The following ADCY2 variants were observed in gnomAD, a reference collection of about 807,000 sequenced individuals.
ADCY2 encodes adenylate cyclase type 2.
A neutral mutation model predicts 125.2 loss-of-function variants in ADCY2; 31 were observed. The observed-to-expected ratio is 0.25, with a 90% CI of 0.19 to 0.33. ADCY2 has a LOEUF of 0.33. Ranked by LOEUF, ADCY2 falls within the 10% of genes least tolerant of loss-of-function variation. ADCY2 has a pLI of 1.00. For missense variants in ADCY2, 904 were observed against 1,418.2 expected (o/e 0.64, Z 5.82); for synonymous variants, 512 against 548.4 (o/e 0.93, Z 0.93).
intron 2 of ADCY2, among the ~76,000 whole-genome samples, chr5:7,493,417 G>A (rs898920392): frequency 6.6e-6 from 1 of 151,584 alleles, no homozygotes; most frequent in African/African-American, 2.4e-5. Flanking sequence ...AGGAGAGGGG[G>A]TATCGGGTGC....
At chr5:7,488,083 C>T (rs1743010089) in intron 2 of ADCY2, among the ~76,000 whole-genome samples, 2 of 152,110 alleles carry the variant, frequency 1.3e-5, no homozygotes, top group African/African-American at 4.8e-5. Context: ...GTGTCCCCAC[C>T]CAAATCTCAC....
chr5:7,749,674 T>A (rs1742740788), intron 15 of ADCY2: 1 of 152,158 alleles, frequency 6.6e-6, no homozygotes, highest in Admixed American at 6.6e-5. Context: ...TTAGAACGCA[T>A]ATGCTGGATA....
intron 3 of ADCY2, among the ~76,000 whole-genome samples, chr5:7,587,529 G>A (rs1736672511): frequency 1.3e-5 from 2 of 152,184 alleles, no homozygotes; most frequent in Admixed American, 6.5e-5. Flanking sequence ...CTCCCCCAGA[G>A]TTCCACAGTT....
chr5:7,523,912 C>A (rs762981132), intron 3 of ADCY2, among the ~76,000 whole-genome samples: 1 of 152,140 alleles, frequency 6.6e-6, no homozygotes. Context: ...CATTTTGTTT[C>A]GCACAGATCC....
At chr5:7,593,624 G>C (rs993516137) in intron 3 of ADCY2, among the ~76,000 whole-genome samples, 1 of 152,152 alleles carries the variant, frequency 6.6e-6, no homozygotes, top group Non-Finnish European at 1.5e-5. Flanking sequence ...GACTGTCCTT[G>C]TTATGGAATA....
intron 4 of ADCY2, among the ~76,000 whole-genome samples, chr5:7,648,349 G>A (rs1738971484): frequency 6.6e-6 from 1 of 152,292 alleles, no homozygotes; most frequent in Non-Finnish European, 1.5e-5. Context: ...ACTCTTCAGA[G>A]CAAAGCATAA....
At chr5:7,653,623 G>GAAGAA (rs1393039356) in intron 4 of ADCY2, among the ~76,000 whole-genome samples, 1 of 151,434 alleles carries the variant, frequency 6.6e-6, no homozygotes, top group Non-Finnish European at 1.5e-5. Context: ...AAAAAAACGT[G>GAAGAA]AAGAATTTGT....
At chr5:7,661,465 T>C (rs1259789343) in intron 4 of ADCY2, among the ~76,000 whole-genome samples, 1 of 152,214 alleles carries the variant, frequency 6.6e-6, no homozygotes, top group East Asian at 1.9e-4. Flanking sequence ...TAAATAATTA[T>C]ATTAAATGCA....
At chr5:7,644,065 A>G (rs1738804919) in intron 4 of ADCY2, among the ~76,000 whole-genome samples, 1 of 152,150 alleles carries the variant, frequency 6.6e-6, no homozygotes, top group African/African-American at 2.4e-5. Flanking sequence ...TAAATAAACT[A>G]AAAAAGTTAT....
At chr5:7,736,951 A>G (rs1742267381) in intron 14 of ADCY2, among the ~76,000 whole-genome samples, 1 of 152,196 alleles carries the variant, frequency 6.6e-6, no homozygotes, top group Admixed American at 6.5e-5. Flanking sequence ...GCATAACCCA[A>G]GGAATATATA....
At chr5:7,567,192 AT>A (rs151159465) in intron 3 of ADCY2, among the ~76,000 whole-genome samples, 1 of 152,078 alleles carries the variant, frequency 6.6e-6, no homozygotes, top group African/African-American at 2.4e-5. Flanking sequence ...GCAGGCTTTG[AT>A]TTTTTAAAGG....
intron 1 of ADCY2, among the ~76,000 whole-genome samples, chr5:7,400,424 C>T (rs532715037): frequency 6.6e-5 from 10 of 152,082 alleles, no homozygotes; most frequent in South Asian, 6.2e-4. Flanking sequence ...GATATTTTTT[C>T]GAAGGGCAGA....
At chr5:7,588,485 C>CT (rs1462360869) in intron 3 of ADCY2, among the ~76,000 whole-genome samples, 1 of 151,992 alleles carries the variant, frequency 6.6e-6, no homozygotes, top group Non-Finnish European at 1.5e-5. Flanking sequence ...AAAAATGCAC[C>CT]GTCAATTATG....
chr5:7,658,813 CT>C, intron 4 of ADCY2, among the ~76,000 whole-genome samples: 1 of 152,202 alleles, frequency 6.6e-6, no homozygotes, highest in South Asian at 2.1e-4. Flanking sequence ...AGAGCAGATG[CT>C]GCAGTTCAAG....
chr5:7,558,552 A>C (rs952536317), intron 3 of ADCY2, among the ~76,000 whole-genome samples: 2 of 151,854 alleles, frequency 1.3e-5, no homozygotes. Context: ...TTTCTTGTAC[A>C]TTTGTTTAAG....
At chr5:7,589,458 A>AAAAGAAAGAAAGAAAGAAAGAAAG (rs369587426) in intron 3 of ADCY2, among the ~76,000 whole-genome samples, 193 of 72,982 alleles carry the variant, frequency 2.6e-3, no homozygotes, top group Middle Eastern at 6.7e-3. Context: ...GAAGGAAAGA[A>AAAAGAAAGAAAGAAAGAAAGAAAG]AAAGAAAGAA....
intron 2 of ADCY2, among the ~76,000 whole-genome samples, chr5:7,435,505 A>G (rs1222875015): frequency 6.6e-6 from 1 of 152,194 alleles, no homozygotes; most frequent in African/African-American, 2.4e-5. Flanking sequence ...AGGGCATACA[A>G]CAGCTCATTT....
chr5:7,473,581 G>A (rs1188005766), intron 2 of ADCY2, among the ~76,000 whole-genome samples: 1 of 152,112 alleles, frequency 6.6e-6, no homozygotes, highest in Non-Finnish European at 1.5e-5. Context: ...TCATATCAGA[G>A]GGCTCTTTTA....
chr5:7,446,464 A>G (rs894249769), intron 2 of ADCY2, among the ~76,000 whole-genome samples: 10 of 151,950 alleles, frequency 6.6e-5, no homozygotes, highest in Non-Finnish European at 1.3e-4. Flanking sequence ...GGATATTTCA[A>G]TTGTCTTTGT....
Sources: gnomAD v4.1 joint callset for allele counts (sites outside exome capture counted in the v4.1 genomes callset) on GRCh38, gnomAD v4.1.1 for gene constraint, MANE v1.5 for transcripts, NCBI Gene and HGNC (gene_info 2026-07-23, HGNC 2026-07-21) for gene names.